ADCY8: variants seen among roughly 807,000 people sequenced by gnomAD.
ADCY8 encodes adenylate cyclase type 8.
A neutral mutation model predicts 119.7 loss-of-function variants in ADCY8; 51 were observed. That is an observed-to-expected ratio of 0.43 (90% confidence interval 0.34 to 0.54). The LOEUF (loss-of-function observed/expected upper bound fraction) is 0.54, where lower values mean the gene tolerates loss of function less well. Among genes scored for constraint, ADCY8 ranks in the 20% least tolerant of loss-of-function variants. The pLI is 0.03. For missense variants in ADCY8, 1,383 were observed against 1,598.8 expected (o/e 0.87, Z 2.30); for synonymous variants, 665 against 651.0 (o/e 1.02, Z -0.33).
Position 130,909,690 on chromosome 8 carries a change from G to A in ADCY8, c.1640+18C>T, listed in dbSNP as rs575385657. The A allele has an allele frequency of 2.5e-6, 4 of 1,613,738 alleles. No homozygotes were observed. Among genetic ancestry groups the A allele is most frequent in the Non-Finnish European group, 8.5e-7 (1 of 1,179,862 alleles). ...AATGACAACCGTTAAGCATGAAAAGGGCTTTGCTTTATCTTACCCAGGGAT... is the reference window on the plus strand; with the variant it reads ...AATGACAACCGTTAAGCATGAAAAGAGCTTTGCTTTATCTTACCCAGGGAT... On this transcript the variant is annotated intron_variant, in intron 6 of 17. Transcript: ENST00000286355.
intron 7 of ADCY8, among the ~76,000 whole-genome samples, chr8:130,890,182 C>T (rs1235797052): frequency 1.4e-5 from 2 of 144,506 alleles, no homozygotes; most frequent in Admixed American, 1.5e-4. Context: ...TGGGGAACAT[C>T]ACACACCGGG....
At chr8:130,834,124 A>G (rs1182681051) in intron 12 of ADCY8, among the ~76,000 whole-genome samples, 1 of 152,238 alleles carries the variant, frequency 6.6e-6, no homozygotes, top group East Asian at 1.9e-4. Context: ...TCTACCACAT[A>G]TACATAGGTC....
intron 1 of ADCY8, among the ~76,000 whole-genome samples, chr8:131,002,634 T>C (rs1459357123): frequency 1.3e-5 from 2 of 151,010 alleles, no homozygotes; most frequent in Admixed American, 1.3e-4. Flanking sequence ...AGCAATAAAG[T>C]AGTAAACTTA....
intron 8 of ADCY8, among the ~76,000 whole-genome samples, chr8:130,869,967 T>TCCCTTCTTCCTTC (rs1554610098): frequency 2.9e-5 from 4 of 137,488 alleles, no homozygotes; most frequent in African/African-American, 1.1e-4. Context: ...TTCTTCCTTC[T>TCCCTTCTTCCTTC]TCCTTCTTCC....
chr8:130,810,559 A>T (rs1816133245), intron 14 of ADCY8, among the ~76,000 whole-genome samples: 1 of 152,174 alleles, frequency 6.6e-6, no homozygotes, highest in Admixed American at 6.5e-5. Context: ...TATGAGGCTG[A>T]TGGAACTCTC....
chr8:131,034,547 C>T (rs920598792), intron 1 of ADCY8, among the ~76,000 whole-genome samples: 1 of 152,096 alleles, frequency 6.6e-6, no homozygotes, highest in South Asian at 2.1e-4. Context: ...CATTCTTTAG[C>T]ATTTTTCTGG....
intron 7 of ADCY8, among the ~76,000 whole-genome samples, chr8:130,896,067 C>T (rs1257274533): frequency 6.6e-6 from 1 of 152,146 alleles, no homozygotes; most frequent in Non-Finnish European, 1.5e-5. Flanking sequence ...CTTGTTCCCT[C>T]ATTCTTGGCT....
intron 1 of ADCY8, among the ~76,000 whole-genome samples, chr8:131,009,657 A>G (rs182656319): frequency 1.8e-4 from 27 of 152,348 alleles, no homozygotes; most frequent in Admixed American, 1.4e-3. Context: ...TAACACAAAG[A>G]CTGCGCTTTT....
At chr8:131,013,830 C>A (rs886319362) in intron 1 of ADCY8, among the ~76,000 whole-genome samples, 1 of 152,140 alleles carries the variant, frequency 6.6e-6, no homozygotes. Context: ...ACAGTATGCA[C>A]CAAAAGTTGG....
chr8:130,986,209 T>C (rs1404332464), intron 2 of ADCY8, among the ~76,000 whole-genome samples: 2 of 152,156 alleles, frequency 1.3e-5, no homozygotes, highest in Non-Finnish European at 2.9e-5. Context: ...CTCTCCTGAA[T>C]TGGGTAAAAG....
intron 7 of ADCY8, among the ~76,000 whole-genome samples, chr8:130,901,328 G>A (rs117359945): frequency 0.022 from 3,281 of 149,750 alleles, 75 homozygotes; most frequent in South Asian, 0.08. Context: ...AATACATGAG[G>A]ATGTAACTAT....
rs151273481 is a variant in ADCY8 at position 130,927,571 on chromosome 8, G to A, written c.1481+9502C>T. ...GTTCACTATCTTAATCGTTTCTTTC[G>A]TTATGCAGAAAGTTTTTAGTTTTTC... On this transcript the variant is annotated intron_variant, in intron 5 of 17. Transcript: ENST00000286355. 5.3e-5 allele frequency among the ~76,000 whole-genome samples: 8 copies of A among 152,108 alleles called. No homozygotes were observed. The East Asian group carries it at 1.4e-3, about 26-fold the overall frequency.
At chr8:131,016,916 T>C (rs1312483982) in intron 1 of ADCY8, among the ~76,000 whole-genome samples, 1 of 152,006 alleles carries the variant, frequency 6.6e-6, no homozygotes, top group African/African-American at 2.4e-5. Flanking sequence ...GCAGACAGGC[T>C]GCCTCCTGAA....
chr8:130,803,056 G>A lies in ADCY8; in HGVS notation c.2914-2484C>T, dbSNP rs183602429. Among the ~76,000 whole-genome samples the A allele has an allele frequency of 3.3e-3, 510 of 152,258 alleles. 6 individuals are homozygous for A. Among genetic ancestry groups the A allele is most frequent in the Admixed American group, 7.5e-3 (115 of 15,294 alleles). ...ATTTTCCAAGCTACTTGTGTTTACT[G>A]GGACCACCGCTGAGTAAATTACTTG... On this transcript the variant is annotated intron_variant, in intron 14 of 17. Coordinates refer to ENST00000286355, the MANE Select transcript of ADCY8 (RefSeq NM_001115.3).
intron 1 of ADCY8, among the ~76,000 whole-genome samples, chr8:131,022,206 G>A (rs1027201172): frequency 2.0e-5 from 3 of 152,096 alleles, no homozygotes; most frequent in African/African-American, 4.8e-5. Flanking sequence ...CACATGCCAT[G>A]GTGGTTTGCT....
chr8:130,823,831 CA>C (rs1816591955), intron 12 of ADCY8, among the ~76,000 whole-genome samples: 2 of 152,058 alleles, frequency 1.3e-5, no homozygotes, highest in Admixed American at 6.6e-5. Flanking sequence ...TTACCCCATA[CA>C]AAAAAGTATG....
chr8:130,891,610 G>A (rs1819190396), intron 7 of ADCY8, among the ~76,000 whole-genome samples: 1 of 152,128 alleles, frequency 6.6e-6, no homozygotes, highest in African/African-American at 2.4e-5. Flanking sequence ...TTTGCATTGA[G>A]GACCTCAGGG....
At chr8:130,802,477 A>G (rs1310166087) in intron 14 of ADCY8, among the ~76,000 whole-genome samples, 3 of 152,194 alleles carry the variant, frequency 2.0e-5, no homozygotes, top group Non-Finnish European at 2.9e-5. Flanking sequence ...GTGATCTATT[A>G]AAGATACACT....
rs1356343883 is a variant in ADCY8 at position 130,780,646 on chromosome 8, G to T, written c.3500C>A (p.Thr1167Lys). ...GISEQEGKIKTYFLLGRVQPN... is the reference protein window; with the variant it reads ...GISEQEGKIKKYFLLGRVQPN... ...TTGGACTCTTCCCAGAAGAAAGTAC[G>T]TTTTGATTTTTCCTTCCTGTTCACT... Residue 1167 changes from threonine to lysine, a missense_variant, in exon 18 of 18, where the codon ACG (threonine) becomes AAG (lysine). Coordinates refer to ENST00000286355, the MANE Select transcript of ADCY8 (RefSeq NM_001115.3). 6.2e-7 allele frequency: 1 copy of T among 1,614,180 alleles called. No individual in the cohort carries two copies. The highest frequency in any genetic ancestry group is 1.1e-5 in the South Asian group (1 of 91,082).
Sources: gnomAD v4.1 joint callset for allele counts (sites outside exome capture counted in the v4.1 genomes callset) on GRCh38, gnomAD v4.1.1 for gene constraint, MANE v1.5 for transcripts, NCBI Gene and HGNC (gene_info 2026-07-23, HGNC 2026-07-21) for gene names.